MINDY2: variants seen among roughly 807,000 people sequenced by gnomAD.
MINDY2 encodes MINDY lysine 48 deubiquitinase 2.
In MINDY2, 52 loss-of-function variants were observed where a neutral mutation model predicts 68.2. That is an observed-to-expected ratio of 0.76 (90% CI 0.61 to 0.96). The LOEUF is 0.96. MINDY2 is among the 40% of genes least tolerant of loss of function. The pLI, the probability that MINDY2 is intolerant of heterozygous loss-of-function variation, is 0.00. For synonymous variants in MINDY2, 372 were observed against 303.0 expected (o/e 1.23, Z -2.36); for missense variants, 881 against 773.4 (o/e 1.14, Z -1.65).
At position 58,802,331 on chromosome 15, in the gene MINDY2, C is replaced by G; in HGVS notation, c.917C>G (p.Ala306Gly). 1.3e-6 allele frequency: 2 copies of G among 1,580,396 alleles called. No homozygotes were observed. Among genetic ancestry groups the G allele is most frequent in the East Asian group, 2.3e-5 (1 of 44,012 alleles). The change falls in exon 3 of 9, where the codon GCA becomes GGA. Residue 306 changes from alanine to glycine, a missense_variant. By Grantham distance (60) the Ala-to-Gly change is moderately conservative. Coordinates refer to ENST00000559228, the MANE Select transcript of MINDY2 (RefSeq NM_001040450.3). Reference sequence around the variant, plus strand: ...TTTACAGGAGATTACATGCTTGATGCAAAGCCAAAAGAAATTTCAGAAATT... The same window carrying G: ...TTTACAGGAGATTACATGCTTGATGGAAAGCCAAAAGAAATTTCAGAAATT... Reference protein sequence around the residue: ...MEYLGDYMLDAKPKEISEIQR... With the variant: ...MEYLGDYMLDGKPKEISEIQR...
rs539150805 is a variant in MINDY2 at position 58,819,805 on chromosome 15, G to T, written c.1123-1912G>T. Among the ~76,000 whole-genome samples, 8 of 152,290 alleles carry T rather than the reference G, an allele frequency of 5.3e-5. No homozygotes were observed. The South Asian group carries it at 1.7e-3, about 32-fold the overall frequency. ...TGTGCCCTCAAATTGTTTCTTAAGGGTCTAACTTCTCATTTCACATAAATC... is the reference window on the plus strand; with the variant it reads ...TGTGCCCTCAAATTGTTTCTTAAGGTTCTAACTTCTCATTTCACATAAATC... On this transcript the variant is annotated intron_variant, in intron 4 of 8. Coordinates refer to ENST00000559228, the MANE Select transcript of MINDY2 (RefSeq NM_001040450.3).
intron 6 of MINDY2, among the ~76,000 whole-genome samples, chr15:58,846,628 C>T (rs1424249801): frequency 6.6e-6 from 1 of 150,522 alleles, no homozygotes; most frequent in Non-Finnish European, 1.5e-5. Context: ...TCATGTAACC[C>T]ACAAATACAT....
intron 2 of MINDY2, among the ~76,000 whole-genome samples, chr15:58,799,841 G>A (rs1902523538): frequency 6.6e-6 from 1 of 152,148 alleles, no homozygotes; most frequent in Admixed American, 6.5e-5. Context: ...AATAAAGTAA[G>A]GTGTGGAAGA....
At chr15:58,772,532 A>G (rs1378607321) in intron 1 of MINDY2, among the ~76,000 whole-genome samples, 1 of 152,244 alleles carries the variant, frequency 6.6e-6, no homozygotes, top group Non-Finnish European at 1.5e-5. Context: ...TGATTATTTT[A>G]AACTATAATT....
chr15:58,771,854 C>T lies in MINDY2; in HGVS notation c.459C>T (p.Ser153=). 2 of 1,592,632 alleles carry T rather than the reference C, an allele frequency of 1.3e-6. No homozygotes were observed. The highest frequency in any genetic ancestry group is 8.5e-7 in the Non-Finnish European group (1 of 1,170,158). ...LTAAGSEEPS[S]AGGLSSSCSD... ...CCGCCGGCTCCGAAGAGCCCAGCAG[C>T]GCCGGCGGCCTCAGCAGCAGTTGCA... The change falls in exon 1 of 9, where the codon AGC becomes AGT. Residue 153 remains serine, a synonymous_variant. Coordinates refer to ENST00000559228, the MANE Select transcript of MINDY2 (RefSeq NM_001040450.3).
At chr15:58,815,899 C>T (rs562661099) in intron 4 of MINDY2, among the ~76,000 whole-genome samples, 1 of 151,576 alleles carries the variant, frequency 6.6e-6, no homozygotes, top group Admixed American at 6.6e-5. Context: ...AGGATGGTCT[C>T]GATCTCTTGA....
intron 6 of MINDY2, among the ~76,000 whole-genome samples, chr15:58,846,140 C>T (rs956322571): frequency 1.3e-5 from 2 of 150,546 alleles, no homozygotes; most frequent in Non-Finnish European, 2.9e-5. Context: ...CTAGCATTTG[C>T]TAACACAAGA....
Position 58,861,583 on chromosome 15 carries a change from T to C in MINDY2, c.*6973T>C, listed in dbSNP as rs1281417000. ...ACTGAATTTCTGTGAAATAAATTTG[T>C]TTTAAATACTAATTATTTTAAAACT... On this transcript the variant is annotated 3_prime_UTR_variant, in exon 9 of 9. Transcript: ENST00000559228. 6.6e-6 allele frequency: 1 copy of C among 152,250 alleles called. No homozygotes were observed. Among genetic ancestry groups the C allele is most frequent in the Non-Finnish European group, 1.5e-5 (1 of 68,044 alleles). 9.4% of individuals were successfully genotyped at this position (152,250 alleles called of 1,614,324 possible).
intron 6 of MINDY2, among the ~76,000 whole-genome samples, chr15:58,842,052 C>A (rs1318646631): frequency 6.6e-6 from 1 of 151,792 alleles, no homozygotes; most frequent in Non-Finnish European, 1.5e-5. Context: ...ATTACATAGC[C>A]CCTGTCTAGA....
At chr15:58,790,363 T>C (rs2140925023) in intron 2 of MINDY2, among the ~76,000 whole-genome samples, 1 of 152,266 alleles carries the variant, frequency 6.6e-6, no homozygotes, top group East Asian at 1.9e-4. Flanking sequence ...TTTTGAGGAA[T>C]AGCCAATATG....
chr15:58,785,278 T>G (rs1406201800), intron 1 of MINDY2, among the ~76,000 whole-genome samples: 3 of 152,118 alleles, frequency 2.0e-5, no homozygotes, highest in Non-Finnish European at 4.4e-5. Context: ...CCAAAGTACT[T>G]TACTGGCTAT....
chr15:58,824,108 G>T (rs571850707), intron 5 of MINDY2, among the ~76,000 whole-genome samples: 2 of 152,290 alleles, frequency 1.3e-5, no homozygotes, highest in Non-Finnish European at 2.9e-5. Flanking sequence ...ATGAAGCTAT[G>T]TGAAACACTG....
intron 2 of MINDY2, among the ~76,000 whole-genome samples, chr15:58,798,022 T>A (rs142904808): frequency 6.6e-6 from 1 of 152,158 alleles, no homozygotes; most frequent in East Asian, 1.9e-4. Flanking sequence ...GCTGAAAAGC[T>A]CATATGCTCA....
chr15:58,771,833 C>G lies in MINDY2; in HGVS notation c.438C>G (p.Ala146=), dbSNP rs1413550043. The change falls in exon 1 of 9, where the codon GCC becomes GCG. Residue 146 remains alanine (A), a synonymous_variant. Coordinates refer to ENST00000559228, the MANE Select transcript of MINDY2 (RefSeq NM_001040450.3). Reference sequence around the variant, plus strand: ...CCTGCCAAGCAGAACTGACCGCCGCCGGCTCCGAAGAGCCCAGCAGCGCCG... The same window carrying G: ...CCTGCCAAGCAGAACTGACCGCCGCGGGCTCCGAAGAGCCCAGCAGCGCCG... ...AGTCQAELTA[A]GSEEPSSAGG... is the part of the protein sequence containing the mutation. The G allele has an allele frequency of 5.0e-6, 8 of 1,608,370 alleles. No individual in the cohort carries two copies. In the East Asian group the frequency reaches 1.8e-4, roughly 36 times the overall value.
intron 6 of MINDY2, among the ~76,000 whole-genome samples, chr15:58,833,410 GAC>G (rs1595763799): frequency 6.6e-6 from 1 of 152,276 alleles, no homozygotes; most frequent in East Asian, 1.9e-4. Context: ...ACTTGGAAAA[GAC>G]AGAGACACAG....
Position 58,771,677 on chromosome 15 carries a change from T to A in MINDY2, c.282T>A (p.Ser94Arg). ...GLDLKDSGLE[S>R]PAAAEAPLRG... is the part of the protein sequence containing the mutation. ...ACTTGAAGGACAGTGGTTTGGAGAG[T>A]CCTGCTGCCGCCGAGGCGCCTCTGA... The change falls in exon 1 of 9, where the codon AGT (serine) becomes AGA (arginine). Residue 94 changes from serine (S) to arginine (R), a missense_variant. By Grantham distance (110) the Ser-to-Arg change is moderately radical. Coordinates refer to ENST00000559228, the MANE Select transcript of MINDY2 (RefSeq NM_001040450.3). 1 of 1,611,878 alleles carries A rather than the reference T, an allele frequency of 6.2e-7. No individual in the cohort carries two copies. The highest frequency in any genetic ancestry group is 8.5e-7 in the Non-Finnish European group (1 of 1,179,746).
chr15:58,836,511 T>C lies in MINDY2; in HGVS notation c.1368+4595T>C, dbSNP rs2032000585. On this transcript the variant is annotated intron_variant, in intron 6 of 8. Transcript: ENST00000559228. ...GATGATTATTTATGCCCCATTACAATTCTTGGTTCTATTTCCTATATTCCT... is the reference window on the plus strand; with the variant it reads ...GATGATTATTTATGCCCCATTACAACTCTTGGTTCTATTTCCTATATTCCT... Among the ~76,000 whole-genome samples the C allele has an allele frequency of 2.0e-5, 3 of 152,278 alleles. No homozygotes were observed. In the South Asian group the frequency reaches 6.2e-4, roughly 32 times the overall value.
intron 1 of MINDY2, among the ~76,000 whole-genome samples, chr15:58,784,176 A>C (rs1416223365): frequency 6.6e-6 from 1 of 151,840 alleles, no homozygotes; most frequent in Non-Finnish European, 1.5e-5. Context: ...AAATACAAAA[A>C]TTAGCCAGGT....
intron 6 of MINDY2, among the ~76,000 whole-genome samples, chr15:58,846,592 C>T (rs558778524): frequency 1.4e-4 from 12 of 84,436 alleles, no homozygotes; most frequent in Admixed American, 3.5e-4. Context: ...AAGTGAGACT[C>T]CTCAAAAAAA....
Sources: allele counts gnomAD v4.1 joint callset (sites outside exome capture counted in the v4.1 genomes callset), GRCh38; gene constraint gnomAD v4.1.1; transcripts MANE v1.5; gene names NCBI Gene and HGNC (gene_info 2026-07-23, HGNC 2026-07-21).